PARD3B: variants seen among roughly 807,000 people sequenced by gnomAD.
PARD3B encodes the protein par-3 family cell polarity regulator beta, also known as partitioning defective 3 homolog B.
In PARD3B, 103 loss-of-function variants were observed where a neutral mutation model predicts 130.2. The ratio of observed to expected loss-of-function variants is 0.79; its 90% confidence interval spans 0.67 to 0.93. PARD3B has a LOEUF of 0.93. PARD3B is among the 40% of genes least tolerant of loss of function. PARD3B has a pLI of 0.00. For missense variants in PARD3B, 1,609 were observed against 1,499.2 expected (o/e 1.07, Z -1.21); for synonymous variants, 583 against 553.2 (o/e 1.05, Z -0.76).
intron 3 of PARD3B, among the ~76,000 whole-genome samples, chr2:204,991,767 T>C (rs1400240531): frequency 1.3e-5 from 2 of 151,906 alleles, no homozygotes; most frequent in Non-Finnish European, 2.9e-5. Context: ...ATGATTGCCA[T>C]TCTAACTGGT....
At chr2:205,423,152 G>C (rs945541913) in intron 19 of PARD3B, among the ~76,000 whole-genome samples, 3 of 152,140 alleles carry the variant, frequency 2.0e-5, no homozygotes, top group African/African-American at 7.2e-5. Context: ...ACATCATCTG[G>C]ATTAGCTTGT....
Position 204,653,284 on chromosome 2 carries a change from T to TA in PARD3B, c.121-32884dup, listed in dbSNP as rs59994946. ...CTGAACCTAAAATAAAAGTTAAAAT[T>TA]AAAAAAAAAAAAACCTAGCTATTAT... is the stretch of plus-strand genomic sequence containing the variant. On this transcript the variant is annotated intron_variant, in intron 1 of 22. Transcript: ENST00000406610. Among the ~76,000 whole-genome samples the TA allele has an allele frequency of 1.5e-3, 215 of 147,634 alleles. 4 individuals are homozygous for TA. Among genetic ancestry groups the TA allele is most frequent in the Admixed American group, 2.0e-3 (30 of 14,982 alleles).
At chr2:204,547,753 A>C (rs1237860657) in intron 1 of PARD3B, among the ~76,000 whole-genome samples, 1 of 152,192 alleles carries the variant, frequency 6.6e-6, no homozygotes, top group African/African-American at 2.4e-5. Flanking sequence ...AGTTTAGTAC[A>C]GGGGGCTATC....
At chr2:205,587,291 A>G (rs1451880598) in intron 22 of PARD3B, among the ~76,000 whole-genome samples, 1 of 152,080 alleles carries the variant, frequency 6.6e-6, no homozygotes, top group Non-Finnish European at 1.5e-5. Flanking sequence ...TGCGGTGTAG[A>G]TTCGGTTTTG....
At chr2:205,362,688 GT>G (rs1258923666) in intron 18 of PARD3B, among the ~76,000 whole-genome samples, 2 of 152,152 alleles carry the variant, frequency 1.3e-5, no homozygotes, top group Non-Finnish European at 2.9e-5. Flanking sequence ...TCATTAGCTT[GT>G]ACTACTAGTT....
intron 4 of PARD3B, among the ~76,000 whole-genome samples, chr2:205,050,211 A>G (rs912079243): frequency 6.7e-6 from 1 of 148,686 alleles, no homozygotes; most frequent in African/African-American, 2.4e-5. Flanking sequence ...ATATAATAAT[A>G]CTAATTAATA....
At chr2:204,640,576 T>A (rs898800750) in intron 1 of PARD3B, among the ~76,000 whole-genome samples, 1 of 152,190 alleles carries the variant, frequency 6.6e-6, no homozygotes, top group South Asian at 2.1e-4. Flanking sequence ...GCTAAGTTCT[T>A]GTGGTGACTA....
intron 22 of PARD3B, among the ~76,000 whole-genome samples, chr2:205,567,714 A>T (rs2106538320): frequency 6.6e-6 from 1 of 151,822 alleles, no homozygotes; most frequent in East Asian, 1.9e-4. Flanking sequence ...AAAAGTCCTC[A>T]TTTTGGTGTC....
At chr2:204,950,554 T>C (rs1476314178) in intron 2 of PARD3B, among the ~76,000 whole-genome samples, 1 of 152,086 alleles carries the variant, frequency 6.6e-6, no homozygotes, top group Non-Finnish European at 1.5e-5. Context: ...GAAAGGAGGC[T>C]GCATTCAGTT....
chr2:204,777,986 A>G (rs996776099), intron 2 of PARD3B, among the ~76,000 whole-genome samples: 19 of 151,948 alleles, frequency 1.3e-4, no homozygotes, highest in African/African-American at 4.6e-4. Context: ...CTGCCTTGTG[A>G]AGAGGCTGTC....
chr2:205,517,712 T>C (rs2050852593), intron 21 of PARD3B, among the ~76,000 whole-genome samples: 1 of 152,208 alleles, frequency 6.6e-6, no homozygotes, highest in Non-Finnish European at 1.5e-5. Flanking sequence ...CTTTTGGATG[T>C]GAGCAGTTAT....
At chr2:205,082,397 A>G (rs1336559026) in intron 4 of PARD3B, among the ~76,000 whole-genome samples, 1 of 152,210 alleles carries the variant, frequency 6.6e-6, no homozygotes, top group African/African-American at 2.4e-5. Context: ...GAACAATTAT[A>G]GCAATGTGCT....
intron 22 of PARD3B, among the ~76,000 whole-genome samples, chr2:205,567,326 T>C (rs929488836): frequency 1.5e-5 from 2 of 133,746 alleles, no homozygotes; most frequent in African/African-American, 5.6e-5. Context: ...TTTTTTTTTT[T>C]TTTTTTGAGA....
At position 204,689,896 on chromosome 2, in the gene PARD3B, A is replaced by G. The variant is rs1292391319; in HGVS notation, c.222+3614A>G. Among the ~76,000 whole-genome samples the G allele has an allele frequency of 6.6e-6, 1 of 152,212 alleles. No individual in the cohort carries two copies. Among genetic ancestry groups the G allele is most frequent in the Non-Finnish European group, 1.5e-5 (1 of 68,028 alleles). On this transcript the variant is annotated intron_variant, in intron 2 of 22. Coordinates refer to ENST00000406610, the MANE Select transcript of PARD3B (RefSeq NM_001302769.2). This position sits in a 1 kb window ranked among gnomAD's most constrained non-coding sequence, Gnocchi z 5.2. ...TTTCTATTACGAAAATTCATCAGTC[A>G]TAAATTAACATGAATTTTGCTTTTA...
chr2:205,421,847 G>C lies in PARD3B; in HGVS notation c.2742-18523G>C, dbSNP rs778066973. On this transcript the variant is annotated intron_variant, in intron 19 of 22. Transcript: ENST00000406610. The surrounding 1 kb of genome is among the most constrained non-coding windows in gnomAD (Gnocchi z 5.1). ...ATGTTCCTGGCTCATGGCTCCTTCTGCCATTTTTAAAGTGCATCTCTCCAA... is the reference window on the plus strand; with the variant it reads ...ATGTTCCTGGCTCATGGCTCCTTCTCCCATTTTTAAAGTGCATCTCTCCAA... 6.6e-6 allele frequency among the ~76,000 whole-genome samples: 1 copy of C among 152,014 alleles called. No homozygotes were observed. The highest frequency in any genetic ancestry group is 1.5e-5 in the Non-Finnish European group (1 of 68,024).
At chr2:204,949,078 T>A (rs1689560318) in intron 2 of PARD3B, among the ~76,000 whole-genome samples, 1 of 152,198 alleles carries the variant, frequency 6.6e-6, no homozygotes, top group Non-Finnish European at 1.5e-5. Context: ...TCAGAGATGT[T>A]TTTATGAGAT....
chr2:205,406,270 A>T (rs909529389), intron 19 of PARD3B, among the ~76,000 whole-genome samples: 38 of 152,096 alleles, frequency 2.5e-4, no homozygotes, highest in African/African-American at 8.0e-4. Flanking sequence ...AAAACAAATT[A>T]TTTGCTTTAA....
At chr2:205,205,239 G>C (rs1435210470) in intron 15 of PARD3B, among the ~76,000 whole-genome samples, 1 of 151,838 alleles carries the variant, frequency 6.6e-6, no homozygotes, top group African/African-American at 2.4e-5. Flanking sequence ...CTCATGATTT[G>C]GCTCTCTGTC....
chr2:205,441,555 A>C (rs2047716514), intron 20 of PARD3B, among the ~76,000 whole-genome samples: 1 of 152,174 alleles, frequency 6.6e-6, no homozygotes, highest in South Asian at 2.1e-4. Flanking sequence ...CTCATTCTGG[A>C]TGAAGAAAAG....
Sources: allele counts gnomAD v4.1 joint callset (sites outside exome capture counted in the v4.1 genomes callset), GRCh38; gene constraint gnomAD v4.1.1; non-coding constraint Gnocchi (gnomAD v3.1); transcripts MANE v1.5; gene names NCBI Gene and HGNC (gene_info 2026-07-23, HGNC 2026-07-21).